DNAH5: variants seen among roughly 807,000 people sequenced by gnomAD.
DNAH5 encodes the protein dynein axonemal heavy chain 5.
DNAH5 carries 372 observed loss-of-function variants against 518.2 expected under a neutral mutation model. That is an observed-to-expected ratio of 0.72 (90% CI 0.66 to 0.78). The LOEUF is 0.78. DNAH5 is among the 30% of genes least tolerant of loss of function. The pLI is 0.00. For synonymous variants in DNAH5, 2,039 were observed against 2,025.9 expected, an observed-to-expected ratio of 1.01 and a Z score of -0.17; for missense variants, 5,523 against 5,687.0, an observed-to-expected ratio of 0.97 and a Z score of 0.93.
At position 13,876,701 on chromosome 5, in the gene DNAH5, T is replaced by C. The variant is rs763824667; in HGVS notation, c.3379A>G (p.Ile1127Val). ...TGACATACCTTTTTGGTGGAGTTGA[T>C]AATTGTGCTAAGCACAGAAACTAAT... ...VKLVSVLSTI[I>V]NSTKKEVITS... Residue 1127 changes from isoleucine to valine, a missense_variant, in exon 22 of 79, where the codon ATC becomes GTC. Physicochemically the swap from Ile to Val is conservative, Grantham distance 29. Transcript: ENST00000265104. The C allele has an allele frequency of 6.8e-6, 11 of 1,613,650 alleles. No homozygotes were observed. In the African/African-American group the frequency reaches 1.5e-4, roughly 22 times the overall value.
At chr5:13,714,356 G>A (rs183952273) in intron 75 of DNAH5, 49 bp downstream of exon 75, 26 of 1,580,428 alleles carry the variant, frequency 1.6e-5, no homozygotes, top group South Asian at 7.7e-5. Context: ...TCTCCCAACC[G>A]AAGATATGCA....
chr5:13,873,658 C>CTATT (rs138376613), intron 22 of DNAH5, among the ~76,000 whole-genome samples: 11,537 of 151,234 alleles, frequency 0.076, 912 homozygotes, highest in African/African-American at 0.21. Flanking sequence ...TATTTAATTA[C>CTATT]TATTTATTTA....
chr5:13,938,757 G>A (rs1013233821), intron 1 of DNAH5, among the ~76,000 whole-genome samples: 2 of 152,062 alleles, frequency 1.3e-5, no homozygotes, highest in Admixed American at 1.3e-4. Context: ...CCCTTTGGCT[G>A]TCAATGTCAA....
chr5:13,983,535 C>T (rs937572882), intron 1 of DNAH5, among the ~76,000 whole-genome samples: 4 of 152,208 alleles, frequency 2.6e-5, no homozygotes, highest in African/African-American at 9.6e-5. Flanking sequence ...CTGCCCACAT[C>T]ACAGAGCCCC....
At chr5:13,973,155 T>C (rs1463839222) in intron 1 of DNAH5, among the ~76,000 whole-genome samples, 1 of 152,076 alleles carries the variant, frequency 6.6e-6, no homozygotes, top group Non-Finnish European at 1.5e-5. Flanking sequence ...GAAAAGTTGA[T>C]GTGATAAAAG....
chr5:13,753,230 T>G lies in DNAH5; in HGVS notation c.10872+3A>C, dbSNP rs775517775. 1 of 1,610,894 alleles carries G rather than the reference T, an allele frequency of 6.2e-7. No individual in the cohort carries two copies. On this transcript the variant is annotated splice_donor_region_variant and intron_variant, in intron 63 of 78. Transcript: ENST00000265104. ...AGCATAAACATACTAAAACACAAATTACCTGGAGTTCATTTCGGCTTTCTT... is the reference window on the plus strand; with the variant it reads ...AGCATAAACATACTAAAACACAAATGACCTGGAGTTCATTTCGGCTTTCTT...
Position 13,708,158 on chromosome 5 carries a change from T to G in DNAH5, c.13303A>C (p.Met4435Leu). The change falls in exon 76 of 79, where the codon ATG becomes CTG. Residue 4435 changes from methionine (M) to leucine (L), a missense_variant. Physicochemically the swap from Met to Leu is conservative, Grantham distance 15. Transcript: ENST00000265104. ...SENLRDALDC[M>L]FDARIPAWWK... ...CAAGCAGGGATTCTAGCATCAAACA[T>G]GCAATCCAATGCATCTCGCAGATTT... 1 of 1,614,162 alleles carries G rather than the reference T, an allele frequency of 6.2e-7. No individual in the cohort carries two copies. Among genetic ancestry groups the G allele is most frequent in the Non-Finnish European group, 8.5e-7 (1 of 1,180,006 alleles).
Position 13,830,108 on chromosome 5 carries a change from T to C in DNAH5, c.6167A>G (p.Lys2056Arg). 1.2e-6 allele frequency: 2 copies of C among 1,614,018 alleles called. No homozygotes were observed. The highest frequency in any genetic ancestry group is 1.7e-6 in the Non-Finnish European group (2 of 1,179,922). ...GATAAAAGACTTTTTGTGCTCCTTT[T>C]TACATGTCAGAATAATGGAAATTTG... ...AQQISIILTC[K>R]KEHKKSFIFT... Residue 2056 changes from lysine to arginine, a missense_variant, in exon 37 of 79, where the codon AAA becomes AGA. Physicochemically the swap from Lys to Arg is conservative, Grantham distance 26. This residue lies in a region of DNAH5 where 5,121 missense variants were observed against 5,223.3 expected (regional missense o/e 0.98). Coordinates refer to ENST00000265104, the MANE Select transcript of DNAH5 (RefSeq NM_001369.3).
chr5:13,976,684 T>A lies in DNAH5; in HGVS notation c.12+34964A>T, dbSNP rs937819009. ...TATGTATAGAAAAAAACAATGTGTGTGTGTGTATATATATATATATATATA... is the reference window on the plus strand; with the variant it reads ...TATGTATAGAAAAAAACAATGTGTGAGTGTGTATATATATATATATATATA... On this transcript the variant is annotated intron_variant, in intron 1 of 78. Transcript: ENST00000681290. 1.0e-4 allele frequency among the ~76,000 whole-genome samples: 9 copies of A among 90,430 alleles called. 1 individual carries two copies. The highest frequency in any genetic ancestry group is 4.2e-4 in the African/African-American group (9 of 21,498). 59.3% of individuals were successfully genotyped at this position (90,430 alleles called of 152,430 possible). A position where few individuals can be genotyped will look rare whatever the true frequency, so the allele number is the denominator to read the frequency against.
chr5:13,905,485 T>G (rs1344239654), intron 12 of DNAH5, among the ~76,000 whole-genome samples: 1 of 152,096 alleles, frequency 6.6e-6, no homozygotes, highest in East Asian at 1.9e-4. Context: ...AATAAATTTC[T>G]TTTTTTTATA....
At chr5:13,980,987 T>C (rs2152066598) in intron 1 of DNAH5, among the ~76,000 whole-genome samples, 1 of 152,288 alleles carries the variant, frequency 6.6e-6, no homozygotes, top group South Asian at 2.1e-4. Context: ...GCTCAAATGC[T>C]CCCTTACCAG....
intron 34 of DNAH5, 46 bp from the exon 35 acceptor site, chr5:13,839,574 A>G: frequency 6.7e-7 from 1 of 1,487,964 alleles, no homozygotes; most frequent in Non-Finnish European, 9.4e-7. Context: ...AGAATCACTC[A>G]TTAAATATAC....
At chr5:13,824,144 C>A in intron 39 of DNAH5, 55 bp downstream of exon 39, 1 of 1,555,968 alleles carries the variant, frequency 6.4e-7, no homozygotes, top group Non-Finnish European at 8.9e-7. Context: ...CATGTATGGG[C>A]AGTTAGTTTA....
At chr5:13,981,162 T>C (rs1324804102) in intron 1 of DNAH5, among the ~76,000 whole-genome samples, 2 of 152,214 alleles carry the variant, frequency 1.3e-5, no homozygotes, top group Non-Finnish European at 2.9e-5. Flanking sequence ...AGGGTCTTGG[T>C]CTGTTGTGTC....
chr5:13,781,451 T>C lies in DNAH5; in HGVS notation c.8821-492A>G, dbSNP rs560427909. Among the ~76,000 whole-genome samples the C allele has an allele frequency of 2.7e-3, 416 of 152,250 alleles. 1 individual carries two copies. The highest frequency in any genetic ancestry group is 4.6e-3 in the Non-Finnish European group (316 of 68,014). On this transcript the variant is annotated intron_variant, in intron 52 of 78. Transcript: ENST00000265104. ...GAAAAACCCCCAAAATGAGGTGATATGGTTTGGCTGTGTCTCAACTCAAAT... is the reference window on the plus strand; with the variant it reads ...GAAAAACCCCCAAAATGAGGTGATACGGTTTGGCTGTGTCTCAACTCAAAT...
At chr5:13,821,504 T>G (rs1370416412) in intron 40 of DNAH5, among the ~76,000 whole-genome samples, 1 of 152,142 alleles carries the variant, frequency 6.6e-6, no homozygotes, top group Non-Finnish European at 1.5e-5. Context: ...CATCTTCCTT[T>G]TACAGATAAG....
At chr5:13,995,030 G>A (rs2582696) in intron 1 of DNAH5, among the ~76,000 whole-genome samples, 15,258 of 151,936 alleles carry the variant, frequency 0.1, 1,671 homozygotes, top group African/African-American at 0.27. Flanking sequence ...GGCTGGTAGA[G>A]GCCAATTTGA....
At chr5:13,818,114 T>C (rs1761699266) in intron 41 of DNAH5, among the ~76,000 whole-genome samples, 1 of 152,226 alleles carries the variant, frequency 6.6e-6, no homozygotes, top group Non-Finnish European at 1.5e-5. Flanking sequence ...GTTTTCTTGC[T>C]CACCTTGAAA....
intron 30 of DNAH5, among the ~76,000 whole-genome samples, chr5:13,852,088 G>A (rs1353306135): frequency 3.5e-5 from 2 of 57,274 alleles, no homozygotes; most frequent in African/African-American, 1.4e-4. Context: ...ATTCCCTCAG[G>A]TGCCTACCCC....
Sources: allele counts gnomAD v4.1 joint callset (sites outside exome capture counted in the v4.1 genomes callset), GRCh38; gene constraint gnomAD v4.1.1; regional missense constraint gnomAD v4.1.1; transcripts MANE v1.5; gene names NCBI Gene and HGNC (gene_info 2026-07-23, HGNC 2026-07-21).